TGFB3: variants seen among roughly 807,000 people sequenced by gnomAD.
TGFB3 encodes transforming growth factor beta 3.
A neutral mutation model predicts 40.1 loss-of-function variants in TGFB3; 5 were observed. The observed-to-expected ratio is 0.12, with a 90% CI of 0.07 to 0.26. The LOEUF (loss-of-function observed/expected upper bound fraction) is 0.26, where lower values mean the gene tolerates loss of function less well. Ranked by LOEUF, TGFB3 falls within the 10% of genes least tolerant of loss-of-function variation. TGFB3 has a pLI of 1.00. For synonymous variants in TGFB3, 184 were observed against 205.6 expected (o/e 0.89, Z 0.90); for missense variants, 373 against 530.1 (o/e 0.70, Z 2.91).
chr14:75,978,889 G>A lies in TGFB3; in HGVS notation c.352+1653C>T, dbSNP rs1382814049. Among the ~76,000 whole-genome samples the A allele has an allele frequency of 6.6e-6, 1 of 152,126 alleles. No individual in the cohort carries two copies. The highest frequency in any genetic ancestry group is 1.9e-4 in the East Asian group (1 of 5,188). On this transcript the variant is annotated intron_variant, in intron 1 of 6. Transcript: ENST00000238682. This position sits in a 1 kb window ranked among gnomAD's most constrained non-coding sequence, Gnocchi z 5.0. ...GCTGACCCAGACCATGAAGGTCTGAGTCCTGCCCTCTTGCCCTGGACTCTC... is the reference window on the plus strand; with the variant it reads ...GCTGACCCAGACCATGAAGGTCTGAATCCTGCCCTCTTGCCCTGGACTCTC...
chr14:75,970,590 A>AATAATC (rs1437118340), intron 3 of TGFB3: 5 of 147,806 alleles, frequency 3.4e-5, no homozygotes, highest in Non-Finnish European at 6.0e-5. Context: ...TAATAATAAT[A>AATAATC]ATAATAATAA....
At chr14:75,961,889 G>T (rs147151149) in intron 5 of TGFB3, among the ~76,000 whole-genome samples, 1 of 152,276 alleles carries the variant, frequency 6.6e-6, no homozygotes, top group African/African-American at 2.4e-5. Flanking sequence ...AGTAGCGGTG[G>T]TCATGTGACC....
intron 1 of TGFB3, among the ~76,000 whole-genome samples, chr14:75,972,786 GTGTT>G (rs1281014296): frequency 3.3e-5 from 5 of 152,194 alleles, no homozygotes; most frequent in South Asian, 2.1e-4. Flanking sequence ...GTCACTGAAA[GTGTT>G]TGAGCAGTGC....
In TGFB3 at chr14:75,971,481, C is replaced by T; in HGVS notation, c.516+74G>A. ...AAACCCAGGTCTGCCAAACGCTGCA[C>T]CCAGTGGTGCCCTGATATGGCAAAG... On this transcript the variant is annotated intron_variant, in intron 2 of 6. Coordinates refer to ENST00000238682, the MANE Select transcript of TGFB3 (RefSeq NM_003239.5). The surrounding 1 kb of genome is among the most constrained non-coding windows in gnomAD (Gnocchi z 4.5). 5 of 1,597,064 alleles carry T rather than the reference C, an allele frequency of 3.1e-6. No individual in the cohort carries two copies. Among genetic ancestry groups the T allele is most frequent in the East Asian group, 2.3e-5 (1 of 44,298 alleles).
intron 4 of TGFB3, among the ~76,000 whole-genome samples, chr14:75,964,436 A>C (rs1326438454): frequency 6.6e-6 from 1 of 152,248 alleles, no homozygotes; most frequent in African/African-American, 2.4e-5. Context: ...CTCTGGAAAG[A>C]AAATCTAAAT....
intron 4 of TGFB3, 44 bp downstream of exon 4, chr14:75,965,544 T>C (rs1329609991): frequency 8.5e-6 from 13 of 1,522,218 alleles, no homozygotes; most frequent in Non-Finnish European, 1.2e-5. Flanking sequence ...CCCATTAACT[T>C]CCCCCCCACT....
In TGFB3 at chr14:75,979,177, G is replaced by A. The variant is rs774738238; in HGVS notation, c.352+1365C>T. Among the ~76,000 whole-genome samples, 3 of 152,104 alleles carry A rather than the reference G, an allele frequency of 2.0e-5. No homozygotes were observed. Among genetic ancestry groups the A allele is most frequent in the Non-Finnish European group, 4.4e-5 (3 of 68,004 alleles). On this transcript the variant is annotated intron_variant, in intron 1 of 6. Coordinates refer to ENST00000238682, the MANE Select transcript of TGFB3 (RefSeq NM_003239.5). The surrounding 1 kb of genome is among the most constrained non-coding windows in gnomAD (Gnocchi z 4.8). ...CCAGGCAGCCACAGGAAGCTGGAGC[G>A]GGAACCCCTCGCCAGTAACCACAGG...
chr14:75,963,186 T>G lies in TGFB3; in HGVS notation c.926+130A>C, dbSNP rs1243317971. 4.8e-6 allele frequency: 5 copies of G among 1,048,992 alleles called. No individual in the cohort carries two copies. The Admixed American group carries it at 9.2e-5, about 19-fold the overall frequency. 65.0% of individuals were successfully genotyped at this position (1,048,992 alleles called of 1,614,324 possible). A position where few individuals can be genotyped will look rare whatever the true frequency, so the allele number is the denominator to read the frequency against. On this transcript the variant is annotated intron_variant, in intron 5 of 6. Coordinates refer to ENST00000238682, the MANE Select transcript of TGFB3 (RefSeq NM_003239.5). ...AAATCTCTGTGAGAGATTTTCAGTC[T>G]TCTTCCTGGAGATGTTTGTGAATAG...
intron 5 of TGFB3, among the ~76,000 whole-genome samples, chr14:75,962,283 G>A (rs1357305260): frequency 6.6e-6 from 1 of 152,100 alleles, no homozygotes; most frequent in Non-Finnish European, 1.5e-5. Context: ...ACTGATAACT[G>A]ATTCGTTCCT....
In TGFB3 at chr14:75,960,940, C is replaced by T; in HGVS notation, c.1063G>A (p.Asp355Asn). Residue 355 changes from aspartate (D) to asparagine (N), a missense_variant, in exon 6 of 7, where the codon GAC becomes AAC. Asp to Asn is a conservative substitution (Grantham distance 23). Coordinates refer to ENST00000238682, the MANE Select transcript of TGFB3 (RefSeq NM_003239.5). ...CTCCATACCGTGCTGTGGGTTGTGT[C>T]TGCACTGCGGAGGTATGGGCAAGGG... ...SGPCPYLRSA[D>N]TTHSTVLGLY... The T allele has an allele frequency of 6.2e-7, 1 of 1,614,238 alleles. No individual in the cohort carries two copies. Among genetic ancestry groups the T allele is most frequent in the Non-Finnish European group, 8.5e-7 (1 of 1,180,056 alleles).
rs1055582773 is a variant in TGFB3 at position 75,979,116 on chromosome 14, G to A, written c.352+1426C>T. Among the ~76,000 whole-genome samples, 4 of 152,118 alleles carry A rather than the reference G, an allele frequency of 2.6e-5. No individual in the cohort carries two copies. Among genetic ancestry groups the A allele is most frequent in the East Asian group, 1.9e-4 (1 of 5,164 alleles). ...AGCTCTGCATCGGCCTCCAGCCTCC[G>A]CCCCACATGGCAGCCACATCCTGAA... On this transcript the variant is annotated intron_variant, in intron 1 of 6. Transcript: ENST00000238682. This position sits in a 1 kb window ranked among gnomAD's most constrained non-coding sequence, Gnocchi z 4.8.
In TGFB3 at chr14:75,980,919, G is replaced by C. The variant is rs1342338388; in HGVS notation, c.-26C>G. 1 of 1,605,184 alleles carries C rather than the reference G, an allele frequency of 6.2e-7. No individual in the cohort carries two copies. The highest frequency in any genetic ancestry group is 8.5e-7 in the Non-Finnish European group (1 of 1,172,674). On this transcript the variant is annotated 5_prime_UTR_variant, in exon 1 of 7. Coordinates refer to ENST00000238682, the MANE Select transcript of TGFB3 (RefSeq NM_003239.5). This position sits in a 1 kb window ranked among gnomAD's most constrained non-coding sequence, Gnocchi z 4.3. The stretch of plus-strand genomic sequence containing the variant: ...GTGTGAGCTGGGAAGAGAGGCCAGG[G>C]GGACGGCAAGGCCTGGAGAGGAAGA...
chr14:75,966,385 A>G (rs189339024), intron 3 of TGFB3: 1 of 155,390 alleles, frequency 6.4e-6, no homozygotes, highest in East Asian at 1.9e-4. Flanking sequence ...AAGAGATAAG[A>G]TGAAGATCAC....
At chr14:75,972,562 G>A (rs1243373099) in intron 1 of TGFB3, among the ~76,000 whole-genome samples, 21 of 152,260 alleles carry the variant, frequency 1.4e-4, no homozygotes, top group Non-Finnish European at 1.9e-4. Context: ...AGCACTTCAC[G>A]GAAGGGGTGA....
At position 75,959,073 on chromosome 14, in the gene TGFB3, G is replaced by A. The variant is rs1014034132; in HGVS notation, c.*114C>T. ...CCATCTCAGCCATTTGCCCGGAGCC[G>A]AAGGTTGTGGGCTCCAGGCCTCTCA... On this transcript the variant is annotated 3_prime_UTR_variant, in exon 7 of 7. Transcript: ENST00000238682. 81 of 1,370,422 alleles carry A rather than the reference G, an allele frequency of 5.9e-5. 1 individual carries two copies. The highest frequency in any genetic ancestry group is 3.7e-4 in the Middle Eastern group (2 of 5,470). The allele number at this position is 1,370,422 out of a possible 1,614,324, so 84.9% of individuals were successfully genotyped here.
chr14:75,971,338 G>C lies in TGFB3; in HGVS notation c.517-83C>G. The C allele has an allele frequency of 6.2e-7, 1 of 1,603,872 alleles. No individual in the cohort carries two copies. The highest frequency in any genetic ancestry group is 1.1e-5 in the South Asian group (1 of 89,796). On this transcript the variant is annotated intron_variant, in intron 2 of 6. Transcript: ENST00000238682. This position sits in a 1 kb window ranked among gnomAD's most constrained non-coding sequence, Gnocchi z 4.5. ...GTCACAATGCAGAGCACAGGTGAGGGAGCGATAGGAAACCAGTGGTTCCTG... is the reference window on the plus strand; with the variant it reads ...GTCACAATGCAGAGCACAGGTGAGGCAGCGATAGGAAACCAGTGGTTCCTG...
At chr14:75,970,927 G>T (rs560568676) in intron 3 of TGFB3, 199 bp downstream of exon 3, 2 of 676,734 alleles carry the variant, frequency 3.0e-6, no homozygotes, top group South Asian at 1.7e-5. Flanking sequence ...TATCCCTGTG[G>T]CTGCATCCCC....
At position 75,976,471 on chromosome 14, in the gene TGFB3, C is replaced by T. The variant is rs140727091; in HGVS notation, c.352+4071G>A. On this transcript the variant is annotated intron_variant, in intron 1 of 6. Coordinates refer to ENST00000238682, the MANE Select transcript of TGFB3 (RefSeq NM_003239.5). The stretch of plus-strand genomic sequence containing the variant: ...TGGTGTGAGCTTTCTATTGATTAAC[C>T]GTTAAATGAATTAGACATGTTGTTT... Among the ~76,000 whole-genome samples, 593 of 152,232 alleles carry T rather than the reference C, an allele frequency of 3.9e-3. 4 individuals carry two copies. Among genetic ancestry groups the T allele is most frequent in the African/African-American group, 0.013 (550 of 41,548 alleles).
At chr14:75,967,938 A>G (rs1273856058) in intron 3 of TGFB3, among the ~76,000 whole-genome samples, 1 of 152,130 alleles carries the variant, frequency 6.6e-6, no homozygotes, top group African/African-American at 2.4e-5. Flanking sequence ...AACATGCAAG[A>G]TGGTTGTTTC....
Sources: gnomAD v4.1 joint callset for allele counts (sites outside exome capture counted in the v4.1 genomes callset) on GRCh38, gnomAD v4.1.1 for gene constraint, Gnocchi (gnomAD v3.1) non-coding constraint, MANE v1.5 for transcripts, NCBI Gene and HGNC (gene_info 2026-07-23, HGNC 2026-07-21) for gene names.